RIMS1: variants seen among roughly 807,000 people sequenced by gnomAD.
RIMS1 encodes regulating synaptic membrane exocytosis 1.
In RIMS1, 83 loss-of-function variants were observed where a neutral mutation model predicts 214.1. The ratio of observed to expected loss-of-function variants is 0.39; its 90% CI spans 0.32 to 0.47. The LOEUF (loss-of-function observed/expected upper bound fraction) is 0.47, where lower values mean the gene tolerates loss of function less well. RIMS1 is among the 20% of genes least tolerant of loss of function. The pLI is 0.99. For missense variants in RIMS1, 2,050 were observed against 2,161.8 expected (o/e 0.95, Z 1.03); for synonymous variants, 793 against 786.8 (o/e 1.01, Z -0.13).
At chr6:72,005,607 T>C (rs571107929) in intron 2 of RIMS1, among the ~76,000 whole-genome samples, 5 of 152,316 alleles carry the variant, frequency 3.3e-5, no homozygotes, top group Admixed American at 3.3e-4. Context: ...AAAACCATAA[T>C]CAGGTACCAG....
At chr6:72,150,071 C>A (rs368656286) in intron 4 of RIMS1, among the ~76,000 whole-genome samples, 3 of 152,216 alleles carry the variant, frequency 2.0e-5, no homozygotes, top group African/African-American at 7.2e-5. Flanking sequence ...GAACAGCTCT[C>A]AGCAGAGAGG....
rs2094647718 is a variant in RIMS1 at position 72,301,916 on chromosome 6, T to C, written c.3851-5342T>C. On this transcript the variant is annotated intron_variant, in intron 26 of 33. Coordinates refer to ENST00000521978, the MANE Select transcript of RIMS1 (RefSeq NM_014989.7). ...AACTGGTGAATTTTTTTCCTCGTGA[T>C]ACCTATAGTCAATTGGAAAATTTTA... 2.6e-5 allele frequency among the ~76,000 whole-genome samples: 4 copies of C among 151,764 alleles called. No individual in the cohort carries two copies. In the South Asian group the frequency reaches 8.3e-4, roughly 31 times the overall value.
At chr6:72,234,649 A>G (rs2063336217) in intron 7 of RIMS1, among the ~76,000 whole-genome samples, 1 of 152,012 alleles carries the variant, frequency 6.6e-6, no homozygotes, top group Non-Finnish European at 1.5e-5. Context: ...TTATAATGTC[A>G]TGCGTCCACC....
chr6:72,331,691 G>C (rs968069586), intron 28 of RIMS1, among the ~76,000 whole-genome samples: 3 of 151,844 alleles, frequency 2.0e-5, no homozygotes, highest in Non-Finnish European at 4.4e-5. Context: ...ACAGGAAACA[G>C]TTTGGGATTG....
At chr6:72,241,957 C>T (rs2067141765) in intron 9 of RIMS1, among the ~76,000 whole-genome samples, 1 of 152,074 alleles carries the variant, frequency 6.6e-6, no homozygotes, top group Non-Finnish European at 1.5e-5. Context: ...GGAGGGCATG[C>T]TGCTAATTAT....
chr6:72,024,848 A>G (rs960317544), intron 2 of RIMS1, among the ~76,000 whole-genome samples: 1 of 151,322 alleles, frequency 6.6e-6, no homozygotes, highest in African/African-American at 2.4e-5. Context: ...TAATATATTA[A>G]ATAATATATA....
intron 23 of RIMS1, among the ~76,000 whole-genome samples, chr6:72,275,568 G>A (rs76723187): frequency 1.7e-3 from 256 of 152,032 alleles, no homozygotes; most frequent in Middle Eastern, 6.8e-3. Context: ...GAACATTTTA[G>A]CATCTTTTAA....
intron 2 of RIMS1, among the ~76,000 whole-genome samples, chr6:72,061,848 TA>T (rs944402352): frequency 4.6e-5 from 7 of 152,234 alleles, no homozygotes; most frequent in Non-Finnish European, 7.3e-5. Flanking sequence ...ATTTTTCCCC[TA>T]GGGGGAATCT....
chr6:72,097,263 A>C lies in RIMS1; in HGVS notation c.459+101A>C, dbSNP rs117419218. On this transcript the variant is annotated intron_variant, in intron 3 of 33. Coordinates refer to ENST00000521978, the MANE Select transcript of RIMS1 (RefSeq NM_014989.7). ...TGCATCTTAGAAAGCAGACATGTGCATAAACATACACGTTAAAATGAACCT... is the reference window on the plus strand; with the variant it reads ...TGCATCTTAGAAAGCAGACATGTGCCTAAACATACACGTTAAAATGAACCT... 5.8e-4 allele frequency: 577 copies of C among 1,001,498 alleles called. 6 individuals carry two copies. The East Asian group carries it at 0.014, about 24-fold the overall frequency. The allele number at this position is 1,001,498 out of a possible 1,614,324, so 62.0% of individuals were successfully genotyped here. A position where few individuals can be genotyped will look rare whatever the true frequency, so the allele number is the denominator to read the frequency against.
In RIMS1 at chr6:72,333,789, C is replaced by T; in HGVS notation, c.4320C>T (p.Ala1440=). The part of the protein sequence containing the change: ...RRSSLSAKVV[A]IVSRRSRSTS... ...CCAGCCTTAGTGCCAAAGTGGTTGCCATAGTGTCTCGAAGGAGTAGAAGCA... is the reference window on the plus strand; with the variant it reads ...CCAGCCTTAGTGCCAAAGTGGTTGCTATAGTGTCTCGAAGGAGTAGAAGCA... The change falls in exon 29 of 34, where the codon GCC becomes GCT. Residue 1440 remains alanine, a synonymous_variant. Coordinates refer to ENST00000521978, the MANE Select transcript of RIMS1 (RefSeq NM_014989.7). 1 of 1,595,062 alleles carries T rather than the reference C, an allele frequency of 6.3e-7. No homozygotes were observed. Among genetic ancestry groups the T allele is most frequent in the East Asian group, 2.3e-5 (1 of 43,936 alleles).
intron 1 of RIMS1, among the ~76,000 whole-genome samples, chr6:71,956,781 G>A (rs368203647): frequency 1.3e-5 from 2 of 152,096 alleles, no homozygotes; most frequent in South Asian, 2.1e-4. Context: ...GAAAGGACTC[G>A]TTTCATCTCG....
intron 1 of RIMS1, among the ~76,000 whole-genome samples, chr6:71,958,665 C>T (rs948902891): frequency 2.0e-5 from 3 of 151,990 alleles, no homozygotes; most frequent in Admixed American, 6.6e-5. Context: ...TTGGTAGATA[C>T]AGATTTAATA....
At chr6:72,014,123 T>C (rs1292935459) in intron 2 of RIMS1, among the ~76,000 whole-genome samples, 1 of 152,232 alleles carries the variant, frequency 6.6e-6, no homozygotes, top group African/African-American at 2.4e-5. Flanking sequence ...TGGGGAGGCC[T>C]CAGGAAACTT....
chr6:72,382,886 T>C (rs1480227933), intron 29 of RIMS1, among the ~76,000 whole-genome samples: 3 of 152,216 alleles, frequency 2.0e-5, no homozygotes, highest in Non-Finnish European at 4.4e-5. Flanking sequence ...TAAATAGCAA[T>C]CTACAGTCTC....
chr6:72,101,639 A>G (rs2033615262), intron 4 of RIMS1, among the ~76,000 whole-genome samples: 1 of 151,948 alleles, frequency 6.6e-6, no homozygotes, highest in Non-Finnish European at 1.5e-5. Context: ...CTTTTCTAAA[A>G]GTAATCTTCA....
chr6:72,221,291 A>AGTGTGTGTGTGTGT (rs71540331), intron 6 of RIMS1, among the ~76,000 whole-genome samples: 21 of 138,584 alleles, frequency 1.5e-4, no homozygotes, highest in African/African-American at 5.5e-4. Flanking sequence ...ATCTGGGGTG[A>AGTGTGTGTGTGTGT]GTGTGTGTGT....
chr6:71,962,923 G>A (rs1388260046), intron 1 of RIMS1, among the ~76,000 whole-genome samples: 4 of 151,692 alleles, frequency 2.6e-5, no homozygotes, highest in African/African-American at 9.7e-5. Context: ...ATTGCCATTG[G>A]TCTTAAGGTC....
chr6:72,056,060 C>T (rs1310724496), intron 2 of RIMS1, among the ~76,000 whole-genome samples: 2 of 141,194 alleles, frequency 1.4e-5, no homozygotes, highest in Non-Finnish European at 3.0e-5. Flanking sequence ...GGTACATATG[C>T]ACCATGGAAT....
intron 6 of RIMS1, among the ~76,000 whole-genome samples, chr6:72,195,497 A>C (rs913748579): frequency 6.6e-6 from 1 of 152,136 alleles, no homozygotes; most frequent in Non-Finnish European, 1.5e-5. Context: ...TTACCCCTAA[A>C]TATAGAGATG....
Sources: allele counts gnomAD v4.1 joint callset (sites outside exome capture counted in the v4.1 genomes callset), GRCh38; gene constraint gnomAD v4.1.1; transcripts MANE v1.5; gene names NCBI Gene and HGNC (gene_info 2026-07-23, HGNC 2026-07-21).